Variants in SLC30A9 observed in about 807,000 individuals in gnomAD.
SLC30A9 encodes the protein solute carrier family 30 member 9.
A neutral mutation model predicts 87.5 loss-of-function variants in SLC30A9; 58 were observed. The observed-to-expected ratio is 0.66, with a 90% confidence interval of 0.54 to 0.82. The LOEUF (loss-of-function observed/expected upper bound fraction) is 0.82, where lower values mean the gene tolerates loss of function less well. SLC30A9 is among the 40% of genes least tolerant of loss of function. SLC30A9 has a pLI of 0.00. For synonymous variants in SLC30A9, 234 were observed against 233.0 expected (o/e 1.00, Z -0.04); for missense variants, 557 against 679.1 (o/e 0.82, Z 2.00).
chr4:42,005,494 T>TCATAG (rs1308704276), intron 2 of SLC30A9, among the ~76,000 whole-genome samples: 2 of 152,218 alleles, frequency 1.3e-5, no homozygotes, highest in Non-Finnish European at 2.9e-5. Context: ...TATTTCTAGT[T>TCATAG]CATAGTGATC....
chr4:42,069,909 T>C (rs566625411), intron 14 of SLC30A9, among the ~76,000 whole-genome samples: 2 of 152,288 alleles, frequency 1.3e-5, no homozygotes, highest in South Asian at 4.1e-4. Flanking sequence ...AGAATTTGCT[T>C]TTCTACCAAG....
chr4:42,045,260 A>G (rs955859951), intron 8 of SLC30A9, among the ~76,000 whole-genome samples: 1 of 152,210 alleles, frequency 6.6e-6, no homozygotes, highest in Non-Finnish European at 1.5e-5. Context: ...TCAAAAAACC[A>G]GTGAATCCAG....
intron 17 of SLC30A9, among the ~76,000 whole-genome samples, chr4:42,079,635 TC>T: frequency 6.9e-6 from 1 of 144,706 alleles, no homozygotes; most frequent in Middle Eastern, 4.2e-3. Context: ...TGAGACGGAG[TC>T]TCGCACTGTC....
intron 2 of SLC30A9, among the ~76,000 whole-genome samples, chr4:42,009,979 GA>G (rs1238747514): frequency 6.6e-6 from 1 of 152,104 alleles, no homozygotes; most frequent in Non-Finnish European, 1.5e-5. Context: ...TATAGATAAA[GA>G]TACTTTAGAA....
At chr4:42,000,111 GA>G (rs1324610799) in intron 1 of SLC30A9, among the ~76,000 whole-genome samples, 2 of 151,954 alleles carry the variant, frequency 1.3e-5, no homozygotes, top group African/African-American at 4.8e-5. Flanking sequence ...AGAGAACACT[GA>G]AAAAAATCTA....
Position 42,070,528 on chromosome 4 carries a change from A to AT in SLC30A9, c.1255_1256insT (p.Asn419IlefsTer5). 1 of 1,609,334 alleles carries AT rather than the reference A, an allele frequency of 6.2e-7. No homozygotes were observed. Among genetic ancestry groups the AT allele is most frequent in the South Asian group, 1.1e-5 (1 of 90,370 alleles). ...ATTTTTTTATGTGCTTCATTTAGGC[A>AT]ATCCACTGTATGACAGCCTAGGTTC... On this transcript the variant is annotated frameshift_variant, in exon 15 of 18. Coordinates refer to ENST00000264451, the MANE Select transcript of SLC30A9 (RefSeq NM_006345.4). LOFTEE classifies it high-confidence loss of function.
chr4:42,018,572 C>T (rs898785132), intron 3 of SLC30A9: 16 of 456,154 alleles, frequency 3.5e-5, no homozygotes, highest in Non-Finnish European at 5.0e-5. Context: ...CTGTTTGTAG[C>T]TCTCTTCTGT....
intron 1 of SLC30A9, among the ~76,000 whole-genome samples, chr4:41,994,196 T>A (rs1469420788): frequency 6.6e-6 from 1 of 151,936 alleles, no homozygotes; most frequent in Non-Finnish European, 1.5e-5. Context: ...AATAGTGACA[T>A]GGAAAATACT....
At chr4:42,075,047 ATATATATATATATTTTTTTTTTT>A (rs1224368388) in intron 15 of SLC30A9, among the ~76,000 whole-genome samples, 1 of 17,642 alleles carries the variant, frequency 5.7e-5, no homozygotes, top group African/African-American at 2.1e-4. Context: ...ATATATATAT[ATATATATATATATTTTTTTTTTT>A]TTTTTTTTTT....
At position 42,064,207 on chromosome 4, in the gene SLC30A9, C is replaced by A. The variant is rs528978785; in HGVS notation, c.1032+1086C>A. On this transcript the variant is annotated intron_variant, in intron 11 of 17. Coordinates refer to ENST00000264451, the MANE Select transcript of SLC30A9 (RefSeq NM_006345.4). The stretch of plus-strand genomic sequence containing the variant: ...ATTTTTGGCCTCCTCAATTTCAGCT[C>A]TTCTTATGTGGTCTAGAGGATGTGG... Among the ~76,000 whole-genome samples the A allele has an allele frequency of 5.3e-5, 8 of 152,270 alleles. No individual in the cohort carries two copies. In the South Asian group the frequency reaches 1.7e-3, roughly 32 times the overall value.
At chr4:42,013,602 G>A (rs1384111267) in intron 2 of SLC30A9, among the ~76,000 whole-genome samples, 5 of 152,124 alleles carry the variant, frequency 3.3e-5, no homozygotes, top group Non-Finnish European at 5.9e-5. Context: ...GATATACAGT[G>A]AGCTCATTTT....
intron 4 of SLC30A9, chr4:42,020,891 G>T (rs1477422802): frequency 1.3e-5 from 2 of 157,298 alleles, no homozygotes; most frequent in African/African-American, 4.8e-5. Context: ...GCAGAGTTGA[G>T]TACTTAATTT....
Position 42,035,290 on chromosome 4 carries a change from A to C in SLC30A9, c.626A>C (p.Gln209Pro). ...IEYRERLFRN[Q>P]KILREYRDFL... is the part of the protein sequence containing the mutation. ...ATTCTTACAGGGCTATTTAGAAACC[A>C]AAAAATATTAAGAGAATACAGAGAT... is the stretch of plus-strand genomic sequence containing the variant. Residue 209 changes from glutamine (Q) to proline (P), a missense_variant, in exon 7 of 18, where the codon CAA becomes CCA. Physicochemically the swap from Gln to Pro is moderately conservative, Grantham distance 76 (BLOSUM62 -1). Coordinates refer to ENST00000264451, the MANE Select transcript of SLC30A9 (RefSeq NM_006345.4). 1 of 1,600,970 alleles carries C rather than the reference A, an allele frequency of 6.2e-7. No individual in the cohort carries two copies. Among genetic ancestry groups the C allele is most frequent in the Non-Finnish European group, 8.5e-7 (1 of 1,170,840 alleles).
At chr4:42,048,629 CTG>C (rs1202979106) in intron 8 of SLC30A9, among the ~76,000 whole-genome samples, 1 of 152,112 alleles carries the variant, frequency 6.6e-6, no homozygotes, top group Non-Finnish European at 1.5e-5. Context: ...TAGTATGACT[CTG>C]AGACTGCTTA....
chr4:42,055,379 T>TTTTA (rs893767868), intron 9 of SLC30A9, among the ~76,000 whole-genome samples: 1 of 77,220 alleles, frequency 1.3e-5, no homozygotes, highest in Non-Finnish European at 3.9e-5. Flanking sequence ...TAATGTAGTT[T>TTTTA]TTTATTTATT....
At chr4:42,009,724 A>G (rs1715360935) in intron 2 of SLC30A9, among the ~76,000 whole-genome samples, 1 of 152,228 alleles carries the variant, frequency 6.6e-6, no homozygotes, top group Non-Finnish European at 1.5e-5. Flanking sequence ...ACATCTAGAC[A>G]GTTTGTAGTG....
At chr4:41,992,243 A>G (rs1714476795) in intron 1 of SLC30A9, among the ~76,000 whole-genome samples, 1 of 151,718 alleles carries the variant, frequency 6.6e-6, no homozygotes. Flanking sequence ...CAGGAGGCTG[A>G]GGTGGGAGGA....
chr4:42,078,786 C>T (rs1718652777), intron 17 of SLC30A9: 1 of 152,268 alleles, frequency 6.6e-6, no homozygotes, highest in Middle Eastern at 3.1e-3. Context: ...GATTATGTTA[C>T]TGAAATATTA....
Position 42,023,295 on chromosome 4 carries a change from T to C in SLC30A9, c.528-7T>C, listed in dbSNP as rs73810484. ...GTTCATTGTGGTGACCATGTGTGTA[T>C]GCACAGATCTTTGGAAGTTTGGGGA... On this transcript the variant is annotated splice_region_variant and splice_polypyrimidine_tract_variant and intron_variant, in intron 5 of 17. Transcript: ENST00000264451. 437 of 1,605,138 alleles carry C rather than the reference T, an allele frequency of 2.7e-4. No individual in the cohort carries two copies. The highest frequency in any genetic ancestry group is 2.6e-3 in the African/African-American group (194 of 74,878).
Sources: gnomAD v4.1 joint callset for allele counts (sites outside exome capture counted in the v4.1 genomes callset) on GRCh38, gnomAD v4.1.1 for gene constraint, MANE v1.5 for transcripts, NCBI Gene and HGNC (gene_info 2026-07-23, HGNC 2026-07-21) for gene names.